Variants in IGFL1 observed in about 807,000 individuals in gnomAD.
IGFL1 encodes the protein IGF like family member 1.
A neutral mutation model predicts 16.0 loss-of-function variants in IGFL1; 16 were observed. The observed-to-expected ratio is 1.00, with a 90% CI of 0.68 to 1.52. The LOEUF (loss-of-function observed/expected upper bound fraction) is 1.52, where lower values mean the gene tolerates loss of function less well. Among genes scored for constraint, IGFL1 ranks in the 40% most tolerant of loss-of-function variants. The probability of loss-of-function intolerance (pLI) is 0.00; values close to 1 mark genes in which losing one functional copy is unlikely to be tolerated. For synonymous variants in IGFL1, 59 were observed against 54.0 expected, an observed-to-expected ratio of 1.09 and a Z score of -0.41; for missense variants, 149 against 141.7, an observed-to-expected ratio of 1.05 and a Z score of -0.26.
intron 1 of IGFL1, 122 bp downstream of exon 1, chr19:46,229,921 C>T (rs980259127): frequency 2.6e-5 from 34 of 1,286,698 alleles, no homozygotes; most frequent in Admixed American, 1.6e-4. Context: ...AATCTCCAGG[C>T]GTGAATTGCT....
intron 1 of IGFL1, 35 bp from the exon 2 acceptor site, chr19:46,230,073 C>T: frequency 1.2e-6 from 2 of 1,607,196 alleles, no homozygotes; most frequent in South Asian, 2.2e-5. Flanking sequence ...CTGTGGCTGT[C>T]CACTCACCCC....
In IGFL1 at chr19:46,230,365, T is replaced by C. The variant is rs369342919; in HGVS notation, c.171T>C (p.Asp57=). 1.2e-6 allele frequency: 2 copies of C among 1,614,048 alleles called. No individual in the cohort carries two copies. Among genetic ancestry groups the C allele is most frequent in the Non-Finnish European group, 1.7e-6 (2 of 1,179,882 alleles). ...ACCCCCTGCAGCACTGTTGCTATGA[T>C]GATGCCGTCGTGCCCTTGGCCAGGA... ...FYDPLQHCCY[D]DAVVPLARTQ... The change falls in exon 3 of 4, where the codon GAT becomes GAC. Residue 57 remains aspartate (D), a synonymous_variant. Transcript: ENST00000437936.
chr19:46,230,065 G>T (rs768634964), intron 1 of IGFL1, 43 bp from the exon 2 acceptor site: 7 of 1,600,408 alleles, frequency 4.4e-6, no homozygotes, highest in Non-Finnish European at 6.0e-6. Flanking sequence ...AGTCATATCT[G>T]TGGCTGTCCA....
At position 46,230,408 on chromosome 19, in the gene IGFL1, T is replaced by C; in HGVS notation, c.214T>C (p.Cys72Arg). ...GGCCAGGACCCAGACGTGTGGAAAC[T>C]GCACCTTCAGAGTCTGCTTTGAGCA... ...PLARTQTCGN[C>R]TFRVCFEQCC... Residue 72 changes from cysteine (C) to arginine (R), a missense_variant, in exon 3 of 4, where the codon TGC becomes CGC. Cys to Arg is a radical substitution (Grantham distance 180). Transcript: ENST00000437936. The C allele has an allele frequency of 6.2e-7, 1 of 1,614,074 alleles. No individual in the cohort carries two copies. Among genetic ancestry groups the C allele is most frequent in the African/African-American group, 1.3e-5 (1 of 75,062 alleles).
intron 3 of IGFL1, 84 bp downstream of exon 3, chr19:46,230,601 G>T: frequency 6.4e-7 from 1 of 1,561,666 alleles, no homozygotes; most frequent in Non-Finnish European, 8.7e-7. Context: ...CATTCTCCTT[G>T]TCTCCCTGTC....
At chr19:46,230,786 T>C (rs745335052) in intron 3 of IGFL1, 35 bp from the exon 4 acceptor site, 5 of 1,610,156 alleles carry the variant, frequency 3.1e-6, no homozygotes, top group Non-Finnish European at 4.2e-6. Context: ...GCCATCTCTG[T>C]CCCGCTCAGT....
In IGFL1 at chr19:46,231,239, A is replaced by G; in HGVS notation, c.*409A>G. 1 of 266,770 alleles carries G rather than the reference A, an allele frequency of 3.7e-6. No homozygotes were observed. The highest frequency in any genetic ancestry group is 6.0e-5 in the South Asian group (1 of 16,650). The allele number at this position is 266,770 out of a possible 1,614,324, so 16.5% of individuals were successfully genotyped here. A position where few individuals can be genotyped will look rare whatever the true frequency, so the allele number is the denominator to read the frequency against. On this transcript the variant is annotated 3_prime_UTR_variant, in exon 4 of 4. Transcript: ENST00000437936. Reference sequence around the variant, plus strand: ...CATAATAAATTTATGTACTTTATAAATGAATGCTGTAGAATTCATGAATTA... The same window carrying G: ...CATAATAAATTTATGTACTTTATAAGTGAATGCTGTAGAATTCATGAATTA...
At position 46,230,473 on chromosome 19, in the gene IGFL1, G is replaced by C. The variant is rs2147059428; in HGVS notation, c.279G>C (p.Gln93His). 6.2e-7 allele frequency: 1 copy of C among 1,614,042 alleles called. No individual in the cohort carries two copies. Among genetic ancestry groups the C allele is most frequent in the East Asian group, 2.2e-5 (1 of 44,888 alleles). The stretch of plus-strand genomic sequence containing the variant: ...CCTTCATGGTGAAGCTGATAAACCA[G>C]AACTGCGACTCAGCCCGGACCTCGG... Reference protein sequence around the residue: ...PWTFMVKLINQNCDSARTSDD... With the variant: ...PWTFMVKLINHNCDSARTSDD... Residue 93 changes from glutamine to histidine, a missense_variant, in exon 3 of 4, where the codon CAG becomes CAC. Physicochemically the swap from Gln to His is conservative, Grantham distance 24. Coordinates refer to ENST00000437936, the MANE Select transcript of IGFL1 (RefSeq NM_198541.2).
At position 46,230,267 on chromosome 19, in the gene IGFL1, C is replaced by A. The variant is rs775301658; in HGVS notation, c.80-7C>A. ...CTCCTGGATCTCACCAGCTCTGTCT[C>A]CTCCAGTGGCCCCCATGACTCCTTA... On this transcript the variant is annotated splice_region_variant and splice_polypyrimidine_tract_variant and intron_variant, in intron 2 of 3. Transcript: ENST00000437936. The A allele has an allele frequency of 1.2e-6, 2 of 1,613,948 alleles. No homozygotes were observed. The highest frequency in any genetic ancestry group is 1.7e-6 in the Non-Finnish European group (2 of 1,179,868).
At position 46,230,989 on chromosome 19, in the gene IGFL1, C is replaced by T; in HGVS notation, c.*159C>T. 1.3e-6 allele frequency: 1 copy of T among 764,182 alleles called. No individual in the cohort carries two copies. Among genetic ancestry groups the T allele is most frequent in the South Asian group, 1.5e-5 (1 of 64,650 alleles). 47.3% of individuals were successfully genotyped at this position (764,182 alleles called of 1,614,324 possible). A position where few individuals can be genotyped will look rare whatever the true frequency, so the allele number is the denominator to read the frequency against. ...CTTCATTCTGTGACCTGTCTGAGGC[C>T]CACCCTGCAGCTGCCCTGAGGAGGC... is the stretch of plus-strand genomic sequence containing the variant. On this transcript the variant is annotated 3_prime_UTR_variant, in exon 4 of 4. Coordinates refer to ENST00000437936, the MANE Select transcript of IGFL1 (RefSeq NM_198541.2).
chr19:46,230,529 C>G lies in IGFL1; in HGVS notation c.323+12C>G. The G allele has an allele frequency of 6.2e-7, 1 of 1,612,646 alleles. No homozygotes were observed. Among genetic ancestry groups the G allele is most frequent in the African/African-American group, 1.3e-5 (1 of 75,018 alleles). On this transcript the variant is annotated intron_variant, in intron 3 of 3. Coordinates refer to ENST00000437936, the MANE Select transcript of IGFL1 (RefSeq NM_198541.2). Reference sequence around the variant, plus strand: ...AGGCTTTGTCGCAGGTGAGTCCTGTCCCCTCCGTGGGATTGTGGGTGCAGG... The same window carrying G: ...AGGCTTTGTCGCAGGTGAGTCCTGTGCCCTCCGTGGGATTGTGGGTGCAGG...
At position 46,230,529 on chromosome 19, in the gene IGFL1, C is replaced by T. The variant is rs761872872; in HGVS notation, c.323+12C>T. ...AGGCTTTGTCGCAGGTGAGTCCTGTCCCCTCCGTGGGATTGTGGGTGCAGG... is the reference window on the plus strand; with the variant it reads ...AGGCTTTGTCGCAGGTGAGTCCTGTTCCCTCCGTGGGATTGTGGGTGCAGG... On this transcript the variant is annotated intron_variant, in intron 3 of 3. Transcript: ENST00000437936. The T allele has an allele frequency of 1.2e-6, 2 of 1,612,528 alleles. No homozygotes were observed. The highest frequency in any genetic ancestry group is 3.3e-5 in the Admixed American group (2 of 59,996).
In IGFL1 at chr19:46,230,946, C is replaced by A; in HGVS notation, c.*116C>A. The A allele has an allele frequency of 1.9e-6, 2 of 1,058,068 alleles. No homozygotes were observed. Among genetic ancestry groups the A allele is most frequent in the African/African-American group, 1.6e-5 (1 of 63,392 alleles). 65.5% of individuals were successfully genotyped at this position (1,058,068 alleles called of 1,614,324 possible). A position where few individuals can be genotyped will look rare whatever the true frequency, so the allele number is the denominator to read the frequency against. ...AGTGGCTGTTTGGGGGCCAGAGAAA[C>A]ACACACTCAACTGCCCACTTCATTC... is the stretch of plus-strand genomic sequence containing the variant. On this transcript the variant is annotated 3_prime_UTR_variant, in exon 4 of 4. Transcript: ENST00000437936.
At position 46,230,407 on chromosome 19, in the gene IGFL1, C is replaced by T. The variant is rs780070844; in HGVS notation, c.213C>T (p.Asn71=). The change falls in exon 3 of 4, where the codon AAC becomes AAT. Residue 71 remains asparagine (N), a synonymous_variant. Transcript: ENST00000437936. The part of the protein sequence containing the change: ...VPLARTQTCG[N]CTFRVCFEQC... ...TGGCCAGGACCCAGACGTGTGGAAA[C>T]TGCACCTTCAGAGTCTGCTTTGAGC... is the stretch of plus-strand genomic sequence containing the variant. 6 of 1,614,070 alleles carry T rather than the reference C, an allele frequency of 3.7e-6. No individual in the cohort carries two copies. The South Asian group carries it at 5.5e-5, about 15-fold the overall frequency.
At position 46,229,754 on chromosome 19, in the gene IGFL1, C is replaced by A; in HGVS notation, c.-21C>A. On this transcript the variant is annotated 5_prime_UTR_variant, in exon 1 of 4. Coordinates refer to ENST00000437936, the MANE Select transcript of IGFL1 (RefSeq NM_198541.2). ...GAGATCTGCTGATCCCCTCCTCACT[C>A]CACTGCAACCACCCAGAGCCATGGC... 6.3e-7 allele frequency: 1 copy of A among 1,599,482 alleles called. No individual in the cohort carries two copies. The highest frequency in any genetic ancestry group is 8.5e-7 in the Non-Finnish European group (1 of 1,173,396).
intron 1 of IGFL1, 151 bp from the exon 2 acceptor site, chr19:46,229,957 C>A: frequency 8.4e-7 from 1 of 1,197,588 alleles, no homozygotes; most frequent in Non-Finnish European, 1.2e-6. Flanking sequence ...TCCATAGTGC[C>A]CAGATCAGCC....
chr19:46,230,432 C>T lies in IGFL1; in HGVS notation c.238C>T (p.Gln80Ter). The change falls in exon 3 of 4, where the codon CAG (glutamine) becomes TAG (stop). Residue 80 changes from glutamine (Q) to a stop codon, truncating the protein, a stop_gained. Transcript: ENST00000437936. LOFTEE classifies it high-confidence loss of function. ...CTGCACCTTCAGAGTCTGCTTTGAGCAGTGCTGCCCCTGGACCTTCATGGT... is the reference window on the plus strand; with the variant it reads ...CTGCACCTTCAGAGTCTGCTTTGAGTAGTGCTGCCCCTGGACCTTCATGGT... ...GNCTFRVCFE[Q>*]CCPWTFMVKL... 6.2e-7 allele frequency: 1 copy of T among 1,614,050 alleles called. No homozygotes were observed. The highest frequency in any genetic ancestry group is 8.5e-7 in the Non-Finnish European group (1 of 1,179,904).
Position 46,230,210 on chromosome 19 carries a change from G to A in IGFL1, c.79+49G>A, listed in dbSNP as rs575827390. 3.5e-5 allele frequency: 57 copies of A among 1,613,430 alleles called. No homozygotes were observed. In the South Asian group the frequency reaches 5.9e-4, roughly 17 times the overall value. On this transcript the variant is annotated intron_variant, in intron 2 of 3. Transcript: ENST00000437936. The stretch of plus-strand genomic sequence containing the variant: ...GCTGGAGGAGGGGTACACCTTCCAG[G>A]GGACCCCAGGCTGGGACCCACCTGC...
chr19:46,229,836 T>A (rs1307209635), intron 1 of IGFL1, 37 bp downstream of exon 1: 7 of 1,592,476 alleles, frequency 4.4e-6, no homozygotes, highest in Non-Finnish European at 4.3e-6. Context: ...CCTGAGCCCA[T>A]CTCCAATCTC....
Sources: gnomAD v4.1 joint callset for allele counts on GRCh38, gnomAD v4.1.1 for gene constraint, MANE v1.5 for transcripts, NCBI Gene and HGNC (gene_info 2026-07-23, HGNC 2026-07-21) for gene names.